Variants in TYW1B observed in about 807,000 individuals in gnomAD.
The protein encoded by TYW1B is tRNA-yW synthesizing protein 1 homolog B, also known as S-adenosyl-L-methionine-dependent tRNA 4-demethylwyosine synthase TYW1B.
In TYW1B, 73 loss-of-function variants were observed where a neutral mutation model predicts 86.9. The ratio of observed to expected loss-of-function variants is 0.84; its 90% confidence interval spans 0.70 to 1.02. TYW1B has a LOEUF of 1.02. Ranked by LOEUF, TYW1B falls within the 50% of genes least tolerant of loss-of-function variation. TYW1B has a pLI of 0.00. For missense variants in TYW1B, 637 were observed against 827.4 expected (o/e 0.77, Z 2.82); for synonymous variants, 248 against 292.8 (o/e 0.85, Z 1.56).
At chr7:72,613,284 TA>T (rs1369930423) in intron 13 of TYW1B, among the ~76,000 whole-genome samples, 7 of 152,082 alleles carry the variant, frequency 4.6e-5, no homozygotes, top group Non-Finnish European at 8.8e-5. Flanking sequence ...TTTGCATTTT[TA>T]AAAGGTTGTA....
chr7:72,695,346 C>G (rs1471997272), intron 10 of TYW1B, among the ~76,000 whole-genome samples: 1 of 152,156 alleles, frequency 6.6e-6, no homozygotes, highest in Non-Finnish European at 1.5e-5. Flanking sequence ...GGTTTCATGT[C>G]AAGCCTTGGG....
intron 11 of TYW1B, among the ~76,000 whole-genome samples, chr7:72,677,912 G>A (rs1372076190): frequency 4.6e-5 from 7 of 152,022 alleles, no homozygotes; most frequent in African/African-American, 1.7e-4. Flanking sequence ...ATGTTGTCCA[G>A]GCTGGTCTTG....
chr7:72,700,386 G>A lies in TYW1B; in HGVS notation c.1371-5564C>T, dbSNP rs183102046. On this transcript the variant is annotated intron_variant, in intron 10 of 13. Coordinates refer to ENST00000620995, the MANE Select transcript of TYW1B (RefSeq NM_001145440.3). The stretch of plus-strand genomic sequence containing the variant: ...AGACAGCGTTTCGCCACATTGGCCA[G>A]GCTGTTCTTGAATTGACTGCAGGTG... Among the ~76,000 whole-genome samples the A allele has an allele frequency of 7.7e-4, 117 of 151,650 alleles. 1 individual carries two copies. The highest frequency in any genetic ancestry group is 2.5e-3 in the African/African-American group (105 of 41,350).
At chr7:72,816,270 G>A (rs577929258) in intron 2 of TYW1B, among the ~76,000 whole-genome samples, 4 of 151,976 alleles carry the variant, frequency 2.6e-5, no homozygotes, top group South Asian at 2.1e-4. Flanking sequence ...CAGCTACTCG[G>A]GAGGCTGAGG....
intron 11 of TYW1B, among the ~76,000 whole-genome samples, chr7:72,655,857 G>A (rs1554443552): frequency 1.3e-5 from 2 of 152,062 alleles, no homozygotes; most frequent in Non-Finnish European, 1.5e-5. Context: ...ACCTGTCACC[G>A]CCCACTGTCA....
intron 9 of TYW1B, chr7:72,722,795 C>T (rs540857487): frequency 5.7e-5 from 25 of 437,368 alleles, no homozygotes; most frequent in East Asian, 1.4e-4. Flanking sequence ...CCAGGACAGA[C>T]GGCAGGCGTT....
At chr7:72,585,453 CA>C (rs1247036290) in intron 13 of TYW1B, among the ~76,000 whole-genome samples, 1 of 152,158 alleles carries the variant, frequency 6.6e-6, no homozygotes, top group African/African-American at 2.4e-5. Context: ...ATTTAAAAAG[CA>C]AATGGTCAGA....
At chr7:72,602,485 AG>A (rs1811688449) in intron 13 of TYW1B, among the ~76,000 whole-genome samples, 1 of 152,160 alleles carries the variant, frequency 6.6e-6, no homozygotes, top group African/African-American at 2.4e-5. Flanking sequence ...GTCAGCTGAG[AG>A]GGCCTAAAAA....
intron 5 of TYW1B, 115 bp from the exon 6 acceptor site, chr7:72,802,637 T>C: frequency 2.1e-6 from 3 of 1,456,084 alleles, no homozygotes; most frequent in South Asian, 2.8e-5. Context: ...TTTTTTTTCT[T>C]TGAGACAGGG....
At chr7:72,638,269 C>A (rs1812720170) in intron 11 of TYW1B, among the ~76,000 whole-genome samples, 7 of 152,040 alleles carry the variant, frequency 4.6e-5, no homozygotes, top group Admixed American at 3.3e-4. Flanking sequence ...CAGTTCTCCA[C>A]TAAAATACTC....
At position 72,667,038 on chromosome 7, in the gene TYW1B, A is replaced by G. The variant is rs1347352431; in HGVS notation, c.1506+27649T>C. On this transcript the variant is annotated intron_variant, in intron 11 of 13. Coordinates refer to ENST00000620995, the MANE Select transcript of TYW1B (RefSeq NM_001145440.3). ...GAGAGCGAGACTCCGTCTCAAAAAA[A>G]AAAAAAAAAAAAAGAAACTAAAACA... 6.1e-5 allele frequency among the ~76,000 whole-genome samples: 9 copies of G among 148,160 alleles called. No individual in the cohort carries two copies. In the East Asian group the frequency reaches 1.6e-3, roughly 26 times the overall value.
chr7:72,821,517 A>G (rs567238122), intron 2 of TYW1B, among the ~76,000 whole-genome samples: 1 of 152,362 alleles, frequency 6.6e-6, no homozygotes, highest in Non-Finnish European at 1.5e-5. Context: ...CCCTGAATAC[A>G]TGCAGTTTAC....
rs1410179736 is a variant in TYW1B at position 72,575,272 on chromosome 7, G to A, written c.*226C>T. ...CCCCAAAATAATTTTCCTCTTAGAAGTAAAATCAGGAAAGGGGCTGAGTTC... is the reference window on the plus strand; with the variant it reads ...CCCCAAAATAATTTTCCTCTTAGAAATAAAATCAGGAAAGGGGCTGAGTTC... On this transcript the variant is annotated 3_prime_UTR_variant, in exon 14 of 14. Coordinates refer to ENST00000620995, the MANE Select transcript of TYW1B (RefSeq NM_001145440.3). The A allele has an allele frequency of 1.5e-6, 2 of 1,368,846 alleles. No homozygotes were observed. The highest frequency in any genetic ancestry group is 2.9e-5 in the African/African-American group (2 of 68,664). 84.8% of individuals were successfully genotyped at this position (1,368,846 alleles called of 1,614,324 possible). A position where few individuals can be genotyped will look rare whatever the true frequency, so the allele number is the denominator to read the frequency against.
chr7:72,806,234 T>G (rs1443503535), intron 5 of TYW1B, among the ~76,000 whole-genome samples: 7 of 93,378 alleles, frequency 7.5e-5, no homozygotes, highest in Non-Finnish European at 1.3e-4. Context: ...TGTGTGTGTG[T>G]GGGTTTTTTT....
intron 11 of TYW1B, among the ~76,000 whole-genome samples, chr7:72,653,189 A>G (rs1215260904): frequency 6.6e-6 from 1 of 152,228 alleles, no homozygotes; most frequent in Non-Finnish European, 1.5e-5. Context: ...AATAGGTAAG[A>G]GAAAACCAAA....
intron 6 of TYW1B, among the ~76,000 whole-genome samples, chr7:72,786,087 C>T (rs1424351750): frequency 4.7e-5 from 7 of 148,808 alleles, no homozygotes; most frequent in African/African-American, 1.2e-4. Flanking sequence ...CCAGCCTGGG[C>T]GACACAGCAA....
chr7:72,823,340 G>C (rs1375413978), intron 2 of TYW1B, among the ~76,000 whole-genome samples: 2 of 151,090 alleles, frequency 1.3e-5, no homozygotes, highest in African/African-American at 4.8e-5. Context: ...TAAAAATAAA[G>C]GCCGGGCACG....
At chr7:72,664,548 GA>G (rs1813415674) in intron 11 of TYW1B, among the ~76,000 whole-genome samples, 1 of 152,102 alleles carries the variant, frequency 6.6e-6, no homozygotes, top group African/African-American at 2.4e-5. Context: ...GGAGCTAAAT[GA>G]TGAGAACACA....
At chr7:72,800,701 A>G (rs542411170) in intron 6 of TYW1B, among the ~76,000 whole-genome samples, 209 of 87,180 alleles carry the variant, frequency 2.4e-3, no homozygotes, top group Non-Finnish European at 4.2e-3. Context: ...GCAAGACTCG[A>G]AAAGTCAAAA....
Sources: gnomAD v4.1 joint callset for allele counts (sites outside exome capture counted in the v4.1 genomes callset) on GRCh38, gnomAD v4.1.1 for gene constraint, MANE v1.5 for transcripts, NCBI Gene and HGNC (gene_info 2026-07-23, HGNC 2026-07-21) for gene names.